TENM4: variants seen among roughly 807,000 people sequenced by gnomAD.
TENM4 encodes the protein teneurin-4.
A neutral mutation model predicts 243.3 loss-of-function variants in TENM4; 82 were observed. The observed-to-expected ratio is 0.34, with a 90% CI of 0.28 to 0.40. The LOEUF (loss-of-function observed/expected upper bound fraction) is 0.40. Ranked by LOEUF, TENM4 falls within the 10% of genes least tolerant of loss-of-function variation. The pLI is 1.00. For synonymous variants in TENM4, 1,412 were observed against 1,456.3 expected (o/e 0.97, Z 0.69); for missense variants, 3,138 against 3,673.3 (o/e 0.85, Z 3.77).
intron 7 of TENM4, among the ~76,000 whole-genome samples, chr11:78,897,698 T>G (rs924918539): frequency 6.6e-6 from 1 of 152,254 alleles, no homozygotes; most frequent in Non-Finnish European, 1.5e-5. Context: ...GTCTTCTGCA[T>G]GTCTTTGACT....
At chr11:78,660,595 C>T (rs986169542) in intron 33 of TENM4, among the ~76,000 whole-genome samples, 1 of 152,134 alleles carries the variant, frequency 6.6e-6, no homozygotes, top group African/African-American at 2.4e-5. Flanking sequence ...TTCTGACCAC[C>T]AGCAGCAAGC....
intron 3 of TENM4, among the ~76,000 whole-genome samples, chr11:79,159,603 C>A (rs1167201629): frequency 6.6e-6 from 1 of 152,116 alleles, no homozygotes; most frequent in African/African-American, 2.4e-5. Flanking sequence ...ACTCTTCCAG[C>A]TTTGCCCGCC....
intron 3 of TENM4, among the ~76,000 whole-genome samples, chr11:79,175,888 C>T (rs1197003765): frequency 6.6e-6 from 1 of 151,992 alleles, no homozygotes; most frequent in Non-Finnish European, 1.5e-5. Context: ...AGTTTGAGAC[C>T]AGCCTGGGCA....
intron 6 of TENM4, among the ~76,000 whole-genome samples, chr11:79,035,973 T>G (rs1859368165): frequency 6.6e-6 from 1 of 152,218 alleles, no homozygotes; most frequent in South Asian, 2.1e-4. Flanking sequence ...TGATCTTAGA[T>G]CTACTGTTTT....
At chr11:78,781,205 A>T (rs1296207033) in intron 16 of TENM4, among the ~76,000 whole-genome samples, 1 of 152,238 alleles carries the variant, frequency 6.6e-6, no homozygotes, top group African/African-American at 2.4e-5. Context: ...TTAAAAATTC[A>T]TGATTTTAAA....
chr11:79,359,960 C>T (rs576871760), intron 1 of TENM4, among the ~76,000 whole-genome samples: 1 of 152,260 alleles, frequency 6.6e-6, no homozygotes, highest in Admixed American at 6.5e-5. Flanking sequence ...AGGACACAAA[C>T]TGTACGCATG....
chr11:78,823,579 G>A (rs757916518), intron 12 of TENM4, among the ~76,000 whole-genome samples: 1 of 152,192 alleles, frequency 6.6e-6, no homozygotes, highest in Non-Finnish European at 1.5e-5. Flanking sequence ...AGTGAGGAGA[G>A]AAAGCTCATG....
At chr11:78,892,296 C>G (rs1855686902) in intron 7 of TENM4, among the ~76,000 whole-genome samples, 2 of 152,194 alleles carry the variant, frequency 1.3e-5, no homozygotes, top group African/African-American at 4.8e-5. Context: ...ACCTCACTTT[C>G]AGACTCTGTG....
chr11:79,005,893 C>T (rs1435470), intron 6 of TENM4, among the ~76,000 whole-genome samples: 32,171 of 152,070 alleles, frequency 0.21, 3,597 homozygotes, highest in East Asian at 0.36. Context: ...TAACTTCAGC[C>T]GAGTTTCAGG....
intron 6 of TENM4, among the ~76,000 whole-genome samples, chr11:79,064,397 G>A (rs56370662): frequency 3.5e-4 from 53 of 152,270 alleles, no homozygotes; most frequent in African/African-American, 1.3e-3. Context: ...GCAGGACCAG[G>A]CCTTGCTGAT....
At chr11:78,863,471 G>A (rs1591080344) in intron 9 of TENM4, among the ~76,000 whole-genome samples, 1 of 152,180 alleles carries the variant, frequency 6.6e-6, no homozygotes, top group Non-Finnish European at 1.5e-5. Flanking sequence ...TTTCCTTAAC[G>A]CAAAAATAAC....
At chr11:79,394,050 C>T (rs1455103624) in intron 1 of TENM4, among the ~76,000 whole-genome samples, 1 of 152,120 alleles carries the variant, frequency 6.6e-6, no homozygotes, top group Non-Finnish European at 1.5e-5. Flanking sequence ...CCTGGCTCCC[C>T]GCAGCTTGGA....
intron 1 of TENM4, among the ~76,000 whole-genome samples, chr11:79,306,239 T>C (rs1856624119): frequency 6.6e-6 from 1 of 152,206 alleles, no homozygotes; most frequent in Admixed American, 6.5e-5. Context: ...GACACAGCTG[T>C]TCTGTAACCC....
At chr11:79,240,642 G>A (rs147868473) in intron 2 of TENM4, among the ~76,000 whole-genome samples, 34 of 152,220 alleles carry the variant, frequency 2.2e-4, no homozygotes, top group African/African-American at 5.5e-4. Flanking sequence ...ATTTCAGTCC[G>A]GCCATCTGAC....
intron 13 of TENM4, 43 bp downstream of exon 13, chr11:78,814,251 G>A (rs925102074): frequency 2.6e-6 from 4 of 1,531,422 alleles, no homozygotes; most frequent in African/African-American, 1.4e-5. Context: ...TGCCTGAGGG[G>A]TCTGGGAAGC....
intron 6 of TENM4, among the ~76,000 whole-genome samples, chr11:78,923,537 A>T (rs1217878742): frequency 2.0e-5 from 3 of 151,576 alleles, no homozygotes; most frequent in Non-Finnish European, 4.4e-5. Flanking sequence ...ATTTGTTTTT[A>T]TTTTTATTTT....
chr11:79,192,308 G>A (rs1361462928), intron 3 of TENM4, among the ~76,000 whole-genome samples: 3 of 152,248 alleles, frequency 2.0e-5, no homozygotes, highest in African/African-American at 7.2e-5. Flanking sequence ...GACGATGGCG[G>A]TTTTCTGGAA....
At chr11:79,240,640 C>A (rs1590818885) in intron 2 of TENM4, among the ~76,000 whole-genome samples, 2 of 152,266 alleles carry the variant, frequency 1.3e-5, no homozygotes, top group East Asian at 3.9e-4. Flanking sequence ...GGATTTCAGT[C>A]CGGCCATCTG....
intron 3 of TENM4, among the ~76,000 whole-genome samples, chr11:79,184,001 T>A (rs1863337147): frequency 6.6e-6 from 1 of 152,226 alleles, no homozygotes; most frequent in South Asian, 2.1e-4. Context: ...ATTCTATTTT[T>A]GAATATATAC....
Sources: allele counts gnomAD v4.1 joint callset (sites outside exome capture counted in the v4.1 genomes callset), GRCh38; gene constraint gnomAD v4.1.1; transcripts MANE v1.5; gene names NCBI Gene and HGNC (gene_info 2026-07-23, HGNC 2026-07-21).